The following DPYSL2 variants were observed in gnomAD, a reference collection of about 807,000 sequenced individuals.
The protein encoded by DPYSL2 is dihydropyrimidinase-related protein 2.
A neutral mutation model predicts 69.9 loss-of-function variants in DPYSL2; 13 were observed. The ratio of observed to expected loss-of-function variants is 0.19; its 90% CI spans 0.12 to 0.30. DPYSL2 has a LOEUF of 0.30. Ranked by LOEUF, DPYSL2 falls within the 10% of genes least tolerant of loss-of-function variation. The pLI is 1.00. For synonymous variants in DPYSL2, 326 were observed against 359.1 expected (o/e 0.91, Z 1.04); for missense variants, 587 against 918.9 (o/e 0.64, Z 4.67).
In DPYSL2 at chr8:26,591,200, G is replaced by T. The variant is rs1320391619; in HGVS notation, c.628+7217G>T. On this transcript the variant is annotated intron_variant, in intron 3 of 13. Transcript: ENST00000521913. The surrounding 1 kb of genome is among the most constrained non-coding windows in gnomAD (Gnocchi z 5.8). Reference sequence around the variant, plus strand: ...TTTCCCAGAGCCTAGACTCTGACTTGCCCTAAAGCTGGGTCACACAGACTA... The same window carrying T: ...TTTCCCAGAGCCTAGACTCTGACTTTCCCTAAAGCTGGGTCACACAGACTA... Among the ~76,000 whole-genome samples, 1 of 152,170 alleles carries T rather than the reference G, an allele frequency of 6.6e-6. No individual in the cohort carries two copies. The highest frequency in any genetic ancestry group is 1.9e-4 in the East Asian group (1 of 5,188).
In DPYSL2 at chr8:26,652,240, C is replaced by T. The variant is rs941590225; in HGVS notation, c.1597-17C>T. ...CCAGAGTGGCCTGTTCTAGAGTTTA[C>T]TTTGCCTTCTTCTCAGTCTCTCGAG... is the stretch of plus-strand genomic sequence containing the variant. On this transcript the variant is annotated splice_polypyrimidine_tract_variant and intron_variant, in intron 11 of 13. Coordinates refer to ENST00000521913, the MANE Select transcript of DPYSL2 (RefSeq NM_001197293.3). The surrounding 1 kb of genome is among the most constrained non-coding windows in gnomAD (Gnocchi z 6.3). 1.9e-6 allele frequency: 3 copies of T among 1,606,766 alleles called. No homozygotes were observed. Among genetic ancestry groups the T allele is most frequent in the Non-Finnish European group, 2.6e-6 (3 of 1,175,922 alleles).
chr8:26,542,134 A>T (rs1800695731), intron 1 of DPYSL2, among the ~76,000 whole-genome samples: 1 of 152,092 alleles, frequency 6.6e-6, no homozygotes, highest in Non-Finnish European at 1.5e-5. Context: ...AAAAAATTTT[A>T]AAAATTAGCC....
intron 1 of DPYSL2, among the ~76,000 whole-genome samples, chr8:26,556,095 A>T (rs138576031): frequency 0.017 from 499 of 29,632 alleles, 5 homozygotes; most frequent in Non-Finnish European, 0.022. Flanking sequence ...ATACTATATA[A>T]ATTATATATA....
intron 1 of DPYSL2, among the ~76,000 whole-genome samples, chr8:26,545,073 G>A (rs1410493735): frequency 2.0e-5 from 3 of 152,148 alleles, no homozygotes; most frequent in African/African-American, 7.2e-5. Flanking sequence ...AGGGGACTTT[G>A]ATACCTCACT....
chr8:26,525,263 A>G (rs1384663838), intron 1 of DPYSL2, among the ~76,000 whole-genome samples: 1 of 152,222 alleles, frequency 6.6e-6, no homozygotes, highest in East Asian at 1.9e-4. Context: ...TCTGTCACCC[A>G]GGCTGGAGTG....
chr8:26,649,504 T>A (rs1803238896), intron 11 of DPYSL2, among the ~76,000 whole-genome samples: 1 of 152,204 alleles, frequency 6.6e-6, no homozygotes, highest in African/African-American at 2.4e-5. Context: ...ACCCTGCTTT[T>A]ACCTCCAGGT....
In DPYSL2 at chr8:26,533,375, G is replaced by A. The variant is rs1016052379; in HGVS notation, c.354+18696G>A. Among the ~76,000 whole-genome samples, 8 of 152,152 alleles carry A rather than the reference G, an allele frequency of 5.3e-5. No individual in the cohort carries two copies. The highest frequency in any genetic ancestry group is 1.2e-4 in the Non-Finnish European group (8 of 68,034). ...TGAATGCTTTTAATTTTGACAAAGTGTAACTTATCTATCTTTTCTTTTGTT... is the reference window on the plus strand; with the variant it reads ...TGAATGCTTTTAATTTTGACAAAGTATAACTTATCTATCTTTTCTTTTGTT... On this transcript the variant is annotated intron_variant, in intron 1 of 13. Transcript: ENST00000521913. The surrounding 1 kb of genome is among the most constrained non-coding windows in gnomAD (Gnocchi z 4.8).
chr8:26,602,165 G>A (rs1264836910), intron 3 of DPYSL2, among the ~76,000 whole-genome samples: 1 of 127,900 alleles, frequency 7.8e-6, no homozygotes, highest in African/African-American at 2.9e-5. Flanking sequence ...TTTTTATGTT[G>A]AGGGAGTGCT....
rs1803226308 is a variant in DPYSL2, at chr8:26,648,889, A to G, written c.1596+1089A>G. On this transcript the variant is annotated intron_variant, in intron 11 of 13. Transcript: ENST00000521913. The surrounding 1 kb of genome is among the most constrained non-coding windows in gnomAD (Gnocchi z 4.3). ...GTGGGTGTTTCTCAGAAGACTGTTC[A>G]AGTCTGTGTTTAAAGCTGTCTTTCT... is the stretch of plus-strand genomic sequence containing the variant. Among the ~76,000 whole-genome samples, 1 of 152,146 alleles carries G rather than the reference A, an allele frequency of 6.6e-6. No individual in the cohort carries two copies. Among genetic ancestry groups the G allele is most frequent in the African/African-American group, 2.4e-5 (1 of 41,422 alleles).
chr8:26,657,589 A>G lies in DPYSL2; in HGVS notation c.*1883A>G, dbSNP rs573026461. ...AGGTAAATTGCACTTTTAAAAAAAT[A>G]ATTGGTTGACTTAATATATTTGCTT... On this transcript the variant is annotated 3_prime_UTR_variant, in exon 14 of 14. Transcript: ENST00000521913. 1.2e-4 allele frequency: 19 copies of G among 152,698 alleles called. No homozygotes were observed. Among genetic ancestry groups the G allele is most frequent in the African/African-American group, 4.6e-4 (19 of 41,538 alleles). The allele number at this position is 152,698 out of a possible 1,614,324, so 9.5% of individuals were successfully genotyped here.
In DPYSL2 at chr8:26,652,503, A is replaced by G. The variant is rs1490294747; in HGVS notation, c.1776+67A>G. 1.7e-5 allele frequency: 26 copies of G among 1,488,100 alleles called. No homozygotes were observed. The highest frequency in any genetic ancestry group is 2.4e-5 in the Non-Finnish European group (26 of 1,090,072). 92.2% of individuals were successfully genotyped at this position (1,488,100 alleles called of 1,614,324 possible). ...ATTAAGTTCAAGGCCACAAACATTT[A>G]TTAAGCACCTTGAGACAGAATATTA... On this transcript the variant is annotated intron_variant, in intron 12 of 13. Coordinates refer to ENST00000521913, the MANE Select transcript of DPYSL2 (RefSeq NM_001197293.3). The surrounding 1 kb of genome is among the most constrained non-coding windows in gnomAD (Gnocchi z 6.3).
chr8:26,557,199 G>GACTTCAAAAGTAAAAAACGTTTT (rs58015444), intron 1 of DPYSL2, among the ~76,000 whole-genome samples: 1 of 150,948 alleles, frequency 6.6e-6, no homozygotes, highest in Non-Finnish European at 1.5e-5. Context: ...TGATAAGCTG[G>GACTTCAAAAGTAAAAAACGTTTT]ACTTCAAAAG....
rs401975 is a variant in DPYSL2 at position 26,564,434 on chromosome 8, T to C, written c.355-17535T>C. On this transcript the variant is annotated intron_variant, in intron 1 of 13. Transcript: ENST00000521913. The surrounding 1 kb of genome is among the most constrained non-coding windows in gnomAD (Gnocchi z 4.8). ...GAGGTGGAGAGGAAGACTTTGAGAT[T>C]TGGGAGCAGGCCGGGGTGGGAAACA... 0.87 allele frequency among the ~76,000 whole-genome samples: 132,663 copies of C among 152,162 alleles called. 58,280 individuals carry two copies. Among genetic ancestry groups the C allele is most frequent in the East Asian group, 0.99 (5,108 of 5,164 alleles).
intron 3 of DPYSL2, among the ~76,000 whole-genome samples, chr8:26,602,138 A>ATTTTTTTTTTTTTTTTT (rs374443692): frequency 1.5e-5 from 2 of 135,300 alleles, no homozygotes; most frequent in Non-Finnish European, 3.1e-5. Flanking sequence ...AACAAAGGAA[A>ATTTTTTTTTTTTTTTTT]TTTTTTTTTT....
chr8:26,534,117 A>G (rs1422451103), intron 1 of DPYSL2, among the ~76,000 whole-genome samples: 1 of 152,234 alleles, frequency 6.6e-6, no homozygotes, highest in Non-Finnish European at 1.5e-5. Flanking sequence ...AGTGACAACT[A>G]GTGGGTGAAT....
At chr8:26,554,997 C>T (rs527819790) in intron 1 of DPYSL2, among the ~76,000 whole-genome samples, 24 of 152,120 alleles carry the variant, frequency 1.6e-4, no homozygotes, top group African/African-American at 4.8e-4. Context: ...CACATCAGCA[C>T]GCTAAAGAAG....
chr8:26,549,963 C>A (rs1800846474), intron 1 of DPYSL2, among the ~76,000 whole-genome samples: 1 of 151,884 alleles, frequency 6.6e-6, no homozygotes. Flanking sequence ...GTTGGATCTA[C>A]TTAAAGAAAG....
chr8:26,624,058 A>T lies in DPYSL2; in HGVS notation c.629-85A>T. ...CTCGATTTTGAACCCAAGAAGCCTT[A>T]TTCAGGGTTCAAGTGGGAAAATACC... On this transcript the variant is annotated intron_variant, in intron 3 of 13. Coordinates refer to ENST00000521913, the MANE Select transcript of DPYSL2 (RefSeq NM_001197293.3). This position sits in a 1 kb window ranked among gnomAD's most constrained non-coding sequence, Gnocchi z 4.7. The T allele has an allele frequency of 4.1e-6, 6 of 1,467,788 alleles. No homozygotes were observed. The highest frequency in any genetic ancestry group is 5.6e-6 in the Non-Finnish European group (6 of 1,067,542). The allele number at this position is 1,467,788 out of a possible 1,614,324, so 90.9% of individuals were successfully genotyped here. A position where few individuals can be genotyped will look rare whatever the true frequency, so the allele number is the denominator to read the frequency against.
chr8:26,515,166 C>T (rs1213691785), intron 1 of DPYSL2, among the ~76,000 whole-genome samples: 1 of 152,194 alleles, frequency 6.6e-6, no homozygotes, highest in Non-Finnish European at 1.5e-5. Context: ...CCTCCGCCCG[C>T]GCCTTCTGCG....
Sources: allele counts gnomAD v4.1 joint callset (sites outside exome capture counted in the v4.1 genomes callset), GRCh38; gene constraint gnomAD v4.1.1; non-coding constraint Gnocchi (gnomAD v3.1); transcripts MANE v1.5; gene names NCBI Gene and HGNC (gene_info 2026-07-23, HGNC 2026-07-21).